The following ZNF469 variants were observed in gnomAD, a reference collection of about 807,000 sequenced individuals.
ZNF469 encodes zinc finger protein 469.
In ZNF469, 1 loss-of-function variant was observed where a neutral mutation model predicts 1.0. The observed-to-expected ratio is 1.00, with a 90% CI of 0.35 to 4.73. The LOEUF (loss-of-function observed/expected upper bound fraction) is 4.73. ZNF469 is among the 30% of genes most tolerant of loss of function. The pLI is 0.16. For synonymous variants in ZNF469, 2,703 were observed against 2,363.4 expected (o/e 1.14, Z -4.17); for missense variants, 6,100 against 5,356.3 (o/e 1.14, Z -4.33).
the ZNF469 span, among the ~76,000 whole-genome samples, chr16:88,268,845 C>T: frequency 6.6e-6 from 1 of 152,306 alleles, no homozygotes; most frequent in East Asian, 1.9e-4. Flanking sequence ...TGCAGCCCGG[C>T]CCCCATGAGC....
chr16:88,105,530 C>G, the ZNF469 span, among the ~76,000 whole-genome samples: 1 of 152,148 alleles, frequency 6.6e-6, no homozygotes, highest in Admixed American at 6.5e-5. Flanking sequence ...GTCTTGAACT[C>G]CTGACCTCAG....
chr16:88,432,996 C>A lies in ZNF469; in HGVS notation c.5526C>A (p.His1842Gln). The change falls in exon 3 of 3, where the codon CAC (histidine) becomes CAA (glutamine). Residue 1842 changes from histidine to glutamine, a missense_variant. His to Gln is a conservative substitution (Grantham distance 24). Coordinates refer to ENST00000565624, the MANE Select transcript of ZNF469 (RefSeq NM_001367624.2). ...QGHSAGRAGG[H>Q]LHPTAGRPGF... is the part of the protein sequence containing the mutation. The stretch of plus-strand genomic sequence containing the variant: ...ATTCTGCAGGCAGAGCAGGTGGGCA[C>A]CTCCACCCCACGGCAGGGAGGCCTG... 1 of 1,550,404 alleles carries A rather than the reference C, an allele frequency of 6.4e-7. No individual in the cohort carries two copies. Among genetic ancestry groups the A allele is most frequent in the Non-Finnish European group, 8.7e-7 (1 of 1,146,988 alleles).
At chr16:88,232,151 G>A in the ZNF469 span, among the ~76,000 whole-genome samples, 4 of 152,200 alleles carry the variant, frequency 2.6e-5, no homozygotes, top group Admixed American at 2.6e-4. Flanking sequence ...CAAGGTCCCT[G>A]CTGAGGCTGC....
At position 88,431,114 on chromosome 16, in the gene ZNF469, C is replaced by G; in HGVS notation, c.3644C>G (p.Thr1215Ser). ...VPTNTETSEE[T>S]RPSLDFPQEA... is the part of the protein sequence containing the mutation. ...ACCAACACCGAGACCTCAGAGGAAA[C>G]CCGCCCGTCGCTGGACTTTCCCCAG... Residue 1215 changes from threonine to serine, a missense_variant, in exon 3 of 3, where the codon ACC (threonine) becomes AGC (serine). Physicochemically the swap from Thr to Ser is moderately conservative, Grantham distance 58. Coordinates refer to ENST00000565624, the MANE Select transcript of ZNF469 (RefSeq NM_001367624.2). The G allele has an allele frequency of 6.5e-7, 1 of 1,550,298 alleles. No homozygotes were observed.
At chr16:88,426,163 G>C (rs1905691051) in intron 2 of ZNF469, among the ~76,000 whole-genome samples, 1 of 152,250 alleles carries the variant, frequency 6.6e-6, no homozygotes, top group South Asian at 2.1e-4. Context: ...CACAGAGGCA[G>C]CAGGGTCTCT....
the ZNF469 span, among the ~76,000 whole-genome samples, chr16:88,138,070 G>A: frequency 0.03 from 4,597 of 152,310 alleles, 228 homozygotes; most frequent in African/African-American, 0.11. Flanking sequence ...CTCAGTGTCT[G>A]TGACATGGAC....
the ZNF469 span, among the ~76,000 whole-genome samples, chr16:88,137,650 TACC>T: frequency 3.3e-5 from 5 of 152,360 alleles, no homozygotes; most frequent in Admixed American, 2.6e-4. Flanking sequence ...TATGTATGCA[TACC>T]ACCATGTGTG....
the ZNF469 span, among the ~76,000 whole-genome samples, chr16:88,299,267 G>A: frequency 2.0e-5 from 3 of 149,644 alleles, no homozygotes; most frequent in African/African-American, 7.6e-5. Context: ...TCCTGGAGGA[G>A]GCAGCTTGCA....
At chr16:88,348,178 CTCTGG>C in the ZNF469 span, among the ~76,000 whole-genome samples, 4 of 152,240 alleles carry the variant, frequency 2.6e-5, no homozygotes, top group African/African-American at 9.6e-5. Flanking sequence ...CCTTTCAGAG[CTCTGG>C]GGCCGGAAGT....
Position 88,435,054 on chromosome 16 carries a change from G to C in ZNF469, c.7584G>C (p.Lys2528Asn), listed in dbSNP as rs1425572620. 8 of 1,549,308 alleles carry C rather than the reference G, an allele frequency of 5.2e-6. No individual in the cohort carries two copies. In the East Asian group the frequency reaches 1.5e-4, roughly 28 times the overall value. Residue 2528 changes from lysine (K) to asparagine (N), a missense_variant, in exon 3 of 3, where the codon AAG becomes AAC. Coordinates refer to ENST00000565624, the MANE Select transcript of ZNF469 (RefSeq NM_001367624.2). Reference sequence around the variant, plus strand: ...CCCAAAAGTGCCAGCCGCCCAGGAAGAAAAGCCACAGGGTGTCTGGGAAGG... The same window carrying C: ...CCCAAAAGTGCCAGCCGCCCAGGAACAAAAGCCACAGGGTGTCTGGGAAGG... ...PLAQKCQPPR[K>N]KSHRVSGKER...
chr16:88,101,972 C>G, the ZNF469 span, among the ~76,000 whole-genome samples: 2 of 152,152 alleles, frequency 1.3e-5, no homozygotes, highest in Non-Finnish European at 2.9e-5. Flanking sequence ...GGATTGTAAA[C>G]TCCAGGAGGG....
At chr16:88,186,470 A>G in the ZNF469 span, among the ~76,000 whole-genome samples, 2 of 152,278 alleles carry the variant, frequency 1.3e-5, no homozygotes, top group African/African-American at 2.4e-5. Flanking sequence ...CCAGGCTCCC[A>G]TCACGTGCCG....
chr16:88,168,585 C>G, the ZNF469 span, among the ~76,000 whole-genome samples: 4 of 152,136 alleles, frequency 2.6e-5, no homozygotes, highest in Admixed American at 6.5e-5. This position sits in a 1 kb window ranked among gnomAD's most constrained non-coding sequence, Gnocchi z 4.3. Context: ...TTTCTCTTGC[C>G]AAAGAATGGG....
chr16:88,333,879 T>TG, the ZNF469 span, among the ~76,000 whole-genome samples: 133 of 146,224 alleles, frequency 9.1e-4, no homozygotes, highest in Middle Eastern at 3.9e-3. Context: ...TGTGTGTGTG[T>TG]TTGTGTGTCT....
At chr16:88,167,571 C>T in the ZNF469 span, among the ~76,000 whole-genome samples, 1 of 152,222 alleles carries the variant, frequency 6.6e-6, no homozygotes, top group East Asian at 1.9e-4. Context: ...CTGCAAGTTG[C>T]CACCTCCTGC....
chr16:88,391,476 G>A (rs1379393663), intron 1 of ZNF469, among the ~76,000 whole-genome samples: 1 of 148,290 alleles, frequency 6.7e-6, no homozygotes, highest in Non-Finnish European at 1.5e-5. Context: ...CAGACTGTAA[G>A]GGTTGGCTGT....
At chr16:88,292,349 T>A in the ZNF469 span, among the ~76,000 whole-genome samples, 41,584 of 151,912 alleles carry the variant, frequency 0.27, 6,428 homozygotes, top group East Asian at 0.52. Flanking sequence ...AGCCGGGACA[T>A]TGGGTAGCAG....
chr16:88,310,562 T>C, the ZNF469 span, among the ~76,000 whole-genome samples: 3 of 143,120 alleles, frequency 2.1e-5, no homozygotes, highest in Non-Finnish European at 3.1e-5. Context: ...TCCTTCATTT[T>C]ATTTTTTTTT....
the ZNF469 span, among the ~76,000 whole-genome samples, chr16:88,135,918 G>T: frequency 1.3e-5 from 2 of 151,740 alleles, no homozygotes; most frequent in Non-Finnish European, 2.9e-5. Context: ...CGGCCAACAC[G>T]CCCGGCTAAT....
Sources: gnomAD v4.1 joint callset for allele counts (sites outside exome capture counted in the v4.1 genomes callset) on GRCh38, gnomAD v4.1.1 for gene constraint, Gnocchi (gnomAD v3.1) non-coding constraint, MANE v1.5 for transcripts, NCBI Gene and HGNC (gene_info 2026-07-23, HGNC 2026-07-21) for gene names.